ARHGEF3: variants seen among roughly 807,000 people sequenced by gnomAD.
The protein encoded by ARHGEF3 is 59.8 kDA protein.
Under a neutral mutation model 63.2 loss-of-function variants are expected in ARHGEF3, and 28 were observed. The observed-to-expected ratio is 0.44, with a 90% CI of 0.33 to 0.61. ARHGEF3 has a LOEUF of 0.61. ARHGEF3 is among the 20% of genes least tolerant of loss of function. ARHGEF3 has a pLI of 0.03. For synonymous variants in ARHGEF3, 266 were observed against 254.2 expected (o/e 1.05, Z -0.44); for missense variants, 533 against 659.3 (o/e 0.81, Z 2.10).
chr3:56,949,174 A>C (rs1325501860), intron 3 of ARHGEF3, among the ~76,000 whole-genome samples: 1 of 151,794 alleles, frequency 6.6e-6, no homozygotes, highest in Non-Finnish European at 1.5e-5. Context: ...CCAATATCAT[A>C]CTGAATGGGC....
At chr3:56,953,424 C>T (rs1345745141) in intron 3 of ARHGEF3, among the ~76,000 whole-genome samples, 2 of 152,244 alleles carry the variant, frequency 1.3e-5, no homozygotes, top group Non-Finnish European at 2.9e-5. Context: ...GATCTCTCCA[C>T]TGTGAGTGAC....
chr3:56,910,270 A>G (rs9825359), intron 3 of ARHGEF3, among the ~76,000 whole-genome samples: 142,178 of 152,234 alleles, frequency 0.93, 66,782 homozygotes, highest in Non-Finnish European at 0.99. Flanking sequence ...TGTTCCATTC[A>G]AAGAAGATAG....
intron 3 of ARHGEF3, among the ~76,000 whole-genome samples, chr3:56,957,693 G>C (rs1700102460): frequency 6.6e-6 from 1 of 152,210 alleles, no homozygotes; most frequent in African/African-American, 2.4e-5. Flanking sequence ...CTTCTTCCAA[G>C]AGGAGGTGAT....
intron 2 of ARHGEF3, among the ~76,000 whole-genome samples, chr3:56,995,046 G>A (rs1701916808): frequency 6.6e-6 from 1 of 152,080 alleles, no homozygotes; most frequent in Non-Finnish European, 1.5e-5. Context: ...GAGGCCTCAG[G>A]AGACTGGGCC....
chr3:56,919,566 A>C (rs1277216772), intron 3 of ARHGEF3, among the ~76,000 whole-genome samples: 1 of 152,228 alleles, frequency 6.6e-6, no homozygotes, highest in East Asian at 1.9e-4. Flanking sequence ...CAAATACGAA[A>C]GATACACTTG....
At chr3:56,840,129 C>T (rs539018727) in intron 4 of ARHGEF3, among the ~76,000 whole-genome samples, 2 of 152,292 alleles carry the variant, frequency 1.3e-5, no homozygotes, top group African/African-American at 4.8e-5. Flanking sequence ...AAATAACTTG[C>T]TTTTTAAGAC....
In ARHGEF3 at chr3:56,878,756, G is replaced by A. The variant is rs111290167; in HGVS notation, c.192+3536C>T. Among the ~76,000 whole-genome samples, 509 of 152,296 alleles carry A rather than the reference G, an allele frequency of 3.3e-3. 5 individuals carry two copies. Among genetic ancestry groups the A allele is most frequent in the African/African-American group, 0.011 (454 of 41,550 alleles). On this transcript the variant is annotated intron_variant, in intron 4 of 12. Transcript: ENST00000338458. ...AGGATCCCTGTTCTGTAAGAATAAC[G>A]TCAGTCATCCTGAAGGGTGTCTGAG...
intron 3 of ARHGEF3, among the ~76,000 whole-genome samples, chr3:56,933,246 C>T (rs1050648820): frequency 6.6e-6 from 1 of 152,128 alleles, no homozygotes; most frequent in Non-Finnish European, 1.5e-5. Flanking sequence ...TCTTTCTTCC[C>T]TCTAAATTGG....
intron 4 of ARHGEF3, among the ~76,000 whole-genome samples, chr3:56,819,885 C>A (rs889370099): frequency 6.6e-6 from 1 of 151,514 alleles, no homozygotes; most frequent in Non-Finnish European, 1.5e-5. Flanking sequence ...TTGTGGCTCA[C>A]TACAGCCTGG....
intron 4 of ARHGEF3, among the ~76,000 whole-genome samples, chr3:56,838,778 A>G (rs2039208555): frequency 1.3e-5 from 2 of 152,144 alleles, no homozygotes; most frequent in African/African-American, 2.4e-5. Context: ...TCAACACACT[A>G]TAGCAAAGTA....
chr3:56,948,871 T>C (rs1396567227), intron 3 of ARHGEF3, among the ~76,000 whole-genome samples: 1 of 151,740 alleles, frequency 6.6e-6, no homozygotes, highest in Non-Finnish European at 1.5e-5. Context: ...TCGATGCAAA[T>C]ATCCTCAATA....
At chr3:56,882,155 A>G in intron 4 of ARHGEF3, 1 of 784,644 alleles carries the variant, frequency 1.3e-6, no homozygotes, top group Non-Finnish European at 2.0e-6. Context: ...TCAGTTAAAA[A>G]AAATTTCCCC....
At chr3:57,074,237 C>T in intron 1 of ARHGEF3, 1 of 1,613,908 alleles carries the variant, frequency 6.2e-7, no homozygotes, top group South Asian at 1.1e-5. Flanking sequence ...CTACAGTATA[C>T]TCCAACACAC....
chr3:56,752,576 T>C (rs2034836427), intron 4 of ARHGEF3, among the ~76,000 whole-genome samples: 1 of 152,180 alleles, frequency 6.6e-6, no homozygotes, highest in Admixed American at 6.5e-5. Flanking sequence ...ATATGAATGG[T>C]TGAAACGAAA....
intron 1 of ARHGEF3, among the ~76,000 whole-genome samples, chr3:56,789,265 C>T (rs1167712506): frequency 6.6e-6 from 1 of 152,194 alleles, no homozygotes; most frequent in East Asian, 1.9e-4. Context: ...AATCCAAATT[C>T]TTAACCAGTA....
chr3:56,732,234 A>T lies in ARHGEF3; in HGVS notation c.1228+4T>A, dbSNP rs911700686. ...AACAGGTCAACCCCGACTGCTATCC[A>T]TACTTCTCTCATTGTTGCTGAATGC... On this transcript the variant is annotated splice_donor_region_variant and intron_variant, in intron 9 of 9. Coordinates refer to ENST00000296315, the MANE Select transcript of ARHGEF3 (RefSeq NM_019555.3). 6 of 1,613,810 alleles carry T rather than the reference A, an allele frequency of 3.7e-6. No individual in the cohort carries two copies. The highest frequency in any genetic ancestry group is 5.1e-6 in the Non-Finnish European group (6 of 1,180,030).
chr3:56,828,577 T>C (rs2038816948), intron 4 of ARHGEF3, among the ~76,000 whole-genome samples: 1 of 152,042 alleles, frequency 6.6e-6, no homozygotes, highest in Non-Finnish European at 1.5e-5. Flanking sequence ...AAGTTGGGTG[T>C]TCATTATACT....
chr3:57,067,194 G>A (rs1469806468), intron 1 of ARHGEF3, among the ~76,000 whole-genome samples: 1 of 152,162 alleles, frequency 6.6e-6, no homozygotes, highest in Non-Finnish European at 1.5e-5. Context: ...GCTCACGCCT[G>A]TAATCCCAGT....
intron 3 of ARHGEF3, among the ~76,000 whole-genome samples, chr3:56,923,259 G>A (rs1430713653): frequency 1.3e-5 from 2 of 150,802 alleles, no homozygotes; most frequent in Non-Finnish European, 2.9e-5. Flanking sequence ...TGGGAACTTT[G>A]GGCCATCATA....
Sources: allele counts gnomAD v4.1 joint callset (sites outside exome capture counted in the v4.1 genomes callset), GRCh38; gene constraint gnomAD v4.1.1; transcripts MANE v1.5; gene names NCBI Gene and HGNC (gene_info 2026-07-23, HGNC 2026-07-21).